Variants in PFKFB4 observed in about 807,000 individuals in gnomAD.
PFKFB4 encodes 6-phosphofructo-2-kinase/fructose-2,6-bisphosphatase 4.
In PFKFB4, 42 loss-of-function variants were observed where a neutral mutation model predicts 62.8. The observed-to-expected ratio is 0.67, with a 90% confidence interval of 0.52 to 0.86. The LOEUF is 0.86. PFKFB4 is among the 40% of genes least tolerant of loss of function. The pLI is 0.00. For synonymous variants in PFKFB4, 204 were observed against 240.7 expected, an observed-to-expected ratio of 0.85 and a Z score of 1.41; for missense variants, 475 against 627.2, an observed-to-expected ratio of 0.76 and a Z score of 2.59.
At position 48,556,120 on chromosome 3, in the gene PFKFB4, T is replaced by C. The variant is rs2043307784; in HGVS notation, c.97+561A>G. Reference sequence around the variant, plus strand: ...GACACAGACACAGGCCCACACGGCATACTTTTCTGTCTCTATCCTGAGCAC... The same window carrying C: ...GACACAGACACAGGCCCACACGGCACACTTTTCTGTCTCTATCCTGAGCAC... On this transcript the variant is annotated intron_variant, in intron 1 of 13. Coordinates refer to ENST00000232375, the MANE Select transcript of PFKFB4 (RefSeq NM_004567.4). The surrounding 1 kb of genome is among the most constrained non-coding windows in gnomAD (Gnocchi z 5.7). 1 of 456,780 alleles carries C rather than the reference T, an allele frequency of 2.2e-6. No homozygotes were observed. The highest frequency in any genetic ancestry group is 1.5e-5 in the South Asian group (1 of 64,580). The allele number at this position is 456,780 out of a possible 1,614,324, so 28.3% of individuals were successfully genotyped here.
chr3:48,522,143 G>T, intron 12 of PFKFB4, 93 bp from the exon 13 acceptor site: 1 of 1,106,382 alleles, frequency 9.0e-7, no homozygotes, highest in Non-Finnish European at 1.4e-6. Context: ...GTCTGGGCGT[G>T]TGGAATGGAG....
rs757390342 is a variant in PFKFB4 at position 48,553,352 on chromosome 3, T to C, written c.98-3118A>G. On this transcript the variant is annotated intron_variant, in intron 1 of 13. Coordinates refer to ENST00000232375, the MANE Select transcript of PFKFB4 (RefSeq NM_004567.4). ...AGCCGGGTGTGGTGGTGCACACCTGTAATCCCAGCTACTCGGGAAGCTGAG... is the reference window on the plus strand; with the variant it reads ...AGCCGGGTGTGGTGGTGCACACCTGCAATCCCAGCTACTCGGGAAGCTGAG... Among the ~76,000 whole-genome samples the C allele has an allele frequency of 9.2e-5, 14 of 152,164 alleles. No homozygotes were observed. The South Asian group carries it at 1.5e-3, about 16-fold the overall frequency.
Position 48,538,607 on chromosome 3 carries a change from C to A in PFKFB4, c.523G>T (p.Gly175Cys). The A allele has an allele frequency of 6.2e-7, 1 of 1,614,122 alleles. No individual in the cohort carries two copies. The highest frequency in any genetic ancestry group is 8.5e-7 in the Non-Finnish European group (1 of 1,180,028). The change falls in exon 7 of 14, where the codon GGC (glycine) becomes TGC (cysteine). Residue 175 changes from glycine (G) to cysteine (C), a missense_variant. Coordinates refer to ENST00000232375, the MANE Select transcript of PFKFB4 (RefSeq NM_004567.4). The stretch of plus-strand genomic sequence containing the variant: ...TCGCGGTTGACATAGTCAGGGCTGC[C>A]CAGTTTCACTTGCTGCCGGAGCCAG... ...IAANIVQVKL[G>C]SPDYVNRDSD...
At chr3:48,553,156 C>T (rs1327169663) in intron 1 of PFKFB4, among the ~76,000 whole-genome samples, 1 of 152,168 alleles carries the variant, frequency 6.6e-6, no homozygotes, top group African/African-American at 2.4e-5. Flanking sequence ...AGGACCCTGA[C>T]ACTGAGCAAA....
chr3:48,526,515 G>A (rs1409249477), intron 9 of PFKFB4, among the ~76,000 whole-genome samples: 1 of 151,060 alleles, frequency 6.6e-6, no homozygotes, highest in Admixed American at 6.6e-5. Flanking sequence ...GGAGATTGCA[G>A]TGAGCCAAGA....
intron 12 of PFKFB4, among the ~76,000 whole-genome samples, 197 bp downstream of exon 12, chr3:48,523,340 C>T (rs1453385031): frequency 2.6e-5 from 4 of 152,082 alleles, no homozygotes; most frequent in Admixed American, 6.5e-5. Flanking sequence ...GCCTAGATCA[C>T]GCCATTGCAC....
intron 3 of PFKFB4, among the ~76,000 whole-genome samples, chr3:48,544,734 T>A (rs2042911441): frequency 6.6e-6 from 1 of 152,170 alleles, no homozygotes; most frequent in African/African-American, 2.4e-5. Flanking sequence ...GTTTGTTTTT[T>A]TTTTTAGACA....
At chr3:48,535,816 C>T (rs2042584129) in intron 8 of PFKFB4, among the ~76,000 whole-genome samples, 158 bp from the exon 9 acceptor site, 1 of 152,230 alleles carries the variant, frequency 6.6e-6, no homozygotes, top group Admixed American at 6.5e-5. Context: ...CATGCTGACA[C>T]ACAAGAACAC....
rs2042101591 is a variant in PFKFB4 at position 48,521,809 on chromosome 3, T to C, written c.1350+177A>G. Among the ~76,000 whole-genome samples, 1 of 152,148 alleles carries C rather than the reference T, an allele frequency of 6.6e-6. No individual in the cohort carries two copies. Among genetic ancestry groups the C allele is most frequent in the South Asian group, 2.1e-4 (1 of 4,832 alleles). On this transcript the variant is annotated intron_variant, in intron 13 of 13. Coordinates refer to ENST00000232375, the MANE Select transcript of PFKFB4 (RefSeq NM_004567.4). This position sits in a 1 kb window ranked among gnomAD's most constrained non-coding sequence, Gnocchi z 5.3. ...CCAGGGCAGGTGCCTTGGGAAGGCCTGATGCAGGCCCCACCCAGAGCCAGG... is the reference window on the plus strand; with the variant it reads ...CCAGGGCAGGTGCCTTGGGAAGGCCCGATGCAGGCCCCACCCAGAGCCAGG...
At chr3:48,562,857 C>A (rs1425441377), upstream of PFKFB4, 2 of 1,591,602 alleles carry the variant, frequency 1.3e-6, no homozygotes, top group Non-Finnish European at 1.7e-6. This position sits in a 1 kb window ranked among gnomAD's most constrained non-coding sequence, Gnocchi z 4.3. Context: ...CTGGCCCGGG[C>A]TTGCTCCAGT....
intron 8 of PFKFB4, among the ~76,000 whole-genome samples, chr3:48,535,997 C>G (rs2042593213): frequency 6.6e-6 from 1 of 152,214 alleles, no homozygotes; most frequent in South Asian, 2.1e-4. Flanking sequence ...ACTCAGGTCG[C>G]TCTAAGGGTG....
At chr3:48,545,640 T>C (rs978467424) in intron 3 of PFKFB4, among the ~76,000 whole-genome samples, 6 of 151,970 alleles carry the variant, frequency 3.9e-5, no homozygotes, top group Non-Finnish European at 5.9e-5. Context: ...TCTTTTGTTT[T>C]TTTTTTTTAA....
intron 3 of PFKFB4, 58 bp downstream of exon 3, chr3:48,549,806 T>G (rs2043075383): frequency 9.4e-7 from 1 of 1,062,394 alleles, no homozygotes; most frequent in Admixed American, 1.7e-5. Flanking sequence ...ATGTGTTAGC[T>G]TTCTCCACAC....
chr3:48,539,759 T>C lies in PFKFB4; in HGVS notation c.391A>G (p.Thr131Ala), dbSNP rs771012759. The change falls in exon 5 of 14, where the codon ACA becomes GCA. Residue 131 changes from threonine to alanine, a missense_variant. Coordinates refer to ENST00000232375, the MANE Select transcript of PFKFB4 (RefSeq NM_004567.4). ...EGGHVAVFDATNTTRERRATI... is the reference protein window; with the variant it reads ...EGGHVAVFDAANTTRERRATI... ...GCTCTCCGTTCTCGGGTGGTGTTTG[T>C]GGCATCAAAAACCTAGGACCAAACT... The C allele has an allele frequency of 3.7e-6, 6 of 1,614,054 alleles. No homozygotes were observed. Among genetic ancestry groups the C allele is most frequent in the South Asian group, 2.2e-5 (2 of 91,078 alleles).
At chr3:48,524,096 C>T (rs918789827) in intron 10 of PFKFB4, among the ~76,000 whole-genome samples, 1 of 152,216 alleles carries the variant, frequency 6.6e-6, no homozygotes, top group Non-Finnish European at 1.5e-5. Context: ...ACCTCAGTGC[C>T]CACCCATGGG....
At position 48,539,253 on chromosome 3, in the gene PFKFB4, C is replaced by T. The variant is rs1414204900; in HGVS notation, c.510+1G>A. ...CTGACAAGGTCAGATGCACTACTCACCACGATGTTGGCAGCTATGACCTCA... is the reference window on the plus strand; with the variant it reads ...CTGACAAGGTCAGATGCACTACTCATCACGATGTTGGCAGCTATGACCTCA... On this transcript the variant is annotated splice_donor_variant, in intron 6 of 13. Transcript: ENST00000232375. LOFTEE classifies it high-confidence loss of function. The T allele has an allele frequency of 1.2e-6, 2 of 1,612,846 alleles. No individual in the cohort carries two copies. Among genetic ancestry groups the T allele is most frequent in the South Asian group, 2.2e-5 (2 of 91,012 alleles).
upstream of PFKFB4, among the ~76,000 whole-genome samples, chr3:48,557,538 G>A (rs1050808153): frequency 1.3e-5 from 2 of 152,140 alleles, no homozygotes; most frequent in Non-Finnish European, 2.9e-5. Context: ...GCAAATGCGT[G>A]GGACTTTTTT....
At chr3:48,539,345 G>A (rs777142182) in intron 5 of PFKFB4, 35 bp from the exon 6 acceptor site, 2 of 1,595,994 alleles carry the variant, frequency 1.3e-6, no homozygotes, top group South Asian at 2.2e-5. Flanking sequence ...GGTGGTGGGA[G>A]GGAGGAACAC....
intron 3 of PFKFB4, among the ~76,000 whole-genome samples, chr3:48,549,329 A>G (rs2043056432): frequency 6.6e-6 from 1 of 152,156 alleles, no homozygotes. Flanking sequence ...CACCAAGAAC[A>G]TGCTCCAAAT....
Sources: allele counts gnomAD v4.1 joint callset (sites outside exome capture counted in the v4.1 genomes callset), GRCh38; gene constraint gnomAD v4.1.1; non-coding constraint Gnocchi (gnomAD v3.1); transcripts MANE v1.5; gene names NCBI Gene and HGNC (gene_info 2026-07-23, HGNC 2026-07-21).